The following LEPR variants were observed in gnomAD, a reference collection of about 807,000 sequenced individuals.
The protein encoded by LEPR is OB receptor.
A neutral mutation model predicts 114.7 loss-of-function variants in LEPR; 56 were observed. The observed-to-expected ratio is 0.49, with a 90% CI of 0.39 to 0.61. The LOEUF (loss-of-function observed/expected upper bound fraction) is 0.61, where lower values mean the gene tolerates loss of function less well. LEPR is among the 20% of genes least tolerant of loss of function. LEPR has a pLI of 0.00. For synonymous variants in LEPR, 443 were observed against 461.4 expected (o/e 0.96, Z 0.51); for missense variants, 1,202 against 1,352.9 (o/e 0.89, Z 1.75).
chr1:65,548,493 T>A (rs1651973862), intron 2 of LEPR, among the ~76,000 whole-genome samples: 1 of 152,186 alleles, frequency 6.6e-6, no homozygotes, highest in Non-Finnish European at 1.5e-5. Flanking sequence ...TGGGTGCTCC[T>A]GTATTGGGTG....
intron 10 of LEPR, among the ~76,000 whole-genome samples, chr1:65,602,686 A>G (rs1332310379): frequency 6.6e-6 from 1 of 151,976 alleles, no homozygotes; most frequent in Non-Finnish European, 1.5e-5. Flanking sequence ...TGTAGTGGAG[A>G]CTTTCAATTT....
At chr1:65,441,079 C>T (rs970467) in intron 2 of LEPR, among the ~76,000 whole-genome samples, 23,120 of 152,184 alleles carry the variant, frequency 0.15, 1,948 homozygotes, top group African/African-American at 0.22. Flanking sequence ...TGTTGTTAAA[C>T]TCTGTGGAGA....
At chr1:65,435,774 G>C in intron 2 of LEPR, 1 of 979,814 alleles carries the variant, frequency 1.0e-6, no homozygotes, top group Non-Finnish European at 1.2e-6. Flanking sequence ...GTTCACAACT[G>C]AGAAATATTA....
At chr1:65,455,753 C>T (rs1169232103) in intron 2 of LEPR, among the ~76,000 whole-genome samples, 4 of 152,184 alleles carry the variant, frequency 2.6e-5, no homozygotes, top group African/African-American at 7.2e-5. Context: ...GTGCCCTGCC[C>T]CCAGAGGTGG....
At chr1:65,618,411 A>G (rs996668237) in intron 16 of LEPR, among the ~76,000 whole-genome samples, 5 of 151,988 alleles carry the variant, frequency 3.3e-5, no homozygotes, top group Non-Finnish European at 4.4e-5. Flanking sequence ...CTGCAGCCTC[A>G]ACCTTCTGGG....
chr1:65,462,377 AT>A (rs1297100842), intron 2 of LEPR, among the ~76,000 whole-genome samples: 2 of 152,112 alleles, frequency 1.3e-5, no homozygotes, highest in African/African-American at 2.4e-5. Context: ...TATGTGCTAC[AT>A]TTTCTTAATC....
intron 2 of LEPR, among the ~76,000 whole-genome samples, chr1:65,520,488 T>C (rs1423514934): frequency 1.3e-5 from 2 of 152,212 alleles, no homozygotes; most frequent in African/African-American, 4.8e-5. Context: ...TTACAAAATA[T>C]AGTAATTCTC....
intron 11 of LEPR, among the ~76,000 whole-genome samples, chr1:65,607,348 A>G (rs1471903909): frequency 6.6e-6 from 1 of 152,144 alleles, no homozygotes; most frequent in Admixed American, 6.5e-5. Context: ...TGTCAAAATA[A>G]TGACCAAGAG....
At chr1:65,549,957 G>C (rs1411743640) in intron 2 of LEPR, among the ~76,000 whole-genome samples, 2 of 151,992 alleles carry the variant, frequency 1.3e-5, no homozygotes, top group African/African-American at 4.8e-5. Flanking sequence ...TCTACTTTTG[G>C]TCTTTGCTGA....
chr1:65,594,615 A>T (rs1009614433), intron 6 of LEPR, among the ~76,000 whole-genome samples: 3 of 152,092 alleles, frequency 2.0e-5, no homozygotes, highest in African/African-American at 7.2e-5. Flanking sequence ...TTTTGGACAC[A>T]TTGTATTTGA....
intron 2 of LEPR, among the ~76,000 whole-genome samples, chr1:65,469,082 A>G (rs1298929294): frequency 6.6e-6 from 1 of 152,174 alleles, no homozygotes; most frequent in Non-Finnish European, 1.5e-5. Flanking sequence ...ATTAATCATC[A>G]TGTATGCCCA....
chr1:65,633,472 C>G lies in LEPR; in HGVS notation c.2674-2719C>G, dbSNP rs1658604490. 8.3e-7 allele frequency: 1 copy of G among 1,197,910 alleles called. No homozygotes were observed. Among genetic ancestry groups the G allele is most frequent in the African/African-American group, 1.6e-5 (1 of 63,942 alleles). 74.2% of individuals were successfully genotyped at this position (1,197,910 alleles called of 1,614,324 possible). A position where few individuals can be genotyped will look rare whatever the true frequency, so the allele number is the denominator to read the frequency against. On this transcript the variant is annotated intron_variant, in intron 19 of 19. Coordinates refer to ENST00000349533, the MANE Select transcript of LEPR (RefSeq NM_002303.6). This position sits in a 1 kb window ranked among gnomAD's most constrained non-coding sequence, Gnocchi z 4.1. ...ATTTGTCATATTCCTGGTCATAAAA[C>G]ATTAAGAAAATTATGGCTGTTGCTG... is the stretch of plus-strand genomic sequence containing the variant.
rs185248063 is a variant in LEPR, at chr1:65,556,852, G to A, written c.-20-8694G>A. ...CTTGGACTTTTACTACAAGTGACAG[G>A]AGAGGGCTGTAGTGCTTTGAGAAAG... On this transcript the variant is annotated intron_variant, in intron 2 of 19. Coordinates refer to ENST00000349533, the MANE Select transcript of LEPR (RefSeq NM_002303.6). 2.3e-3 allele frequency among the ~76,000 whole-genome samples: 356 copies of A among 152,224 alleles called. 3 individuals carry two copies. Among genetic ancestry groups the A allele is most frequent in the Middle Eastern group, 0.01 (3 of 294 alleles).
chr1:65,587,501 T>C (rs1655389153), intron 5 of LEPR, among the ~76,000 whole-genome samples: 1 of 152,090 alleles, frequency 6.6e-6, no homozygotes, highest in Non-Finnish European at 1.5e-5. Flanking sequence ...GTCTTTGATA[T>C]TCACACCCTT....
chr1:65,508,784 G>C (rs1200348765), intron 2 of LEPR, among the ~76,000 whole-genome samples: 1 of 152,024 alleles, frequency 6.6e-6, no homozygotes, highest in Non-Finnish European at 1.5e-5. Flanking sequence ...GAGTAATATG[G>C]ATGTTTAAAA....
At chr1:65,530,954 G>A (rs1365158432) in intron 2 of LEPR, among the ~76,000 whole-genome samples, 1 of 85,790 alleles carries the variant, frequency 1.2e-5, no homozygotes, top group Non-Finnish European at 2.6e-5. Flanking sequence ...TTTATTTTTT[G>A]CCCTCTTCAA....
At chr1:65,454,562 G>A (rs1294508105) in intron 2 of LEPR, among the ~76,000 whole-genome samples, 1 of 152,118 alleles carries the variant, frequency 6.6e-6, no homozygotes, top group Non-Finnish European at 1.5e-5. Flanking sequence ...GGCTGGATAT[G>A]AAATTCTGGG....
intron 5 of LEPR, among the ~76,000 whole-genome samples, chr1:65,586,484 G>A (rs745886415): frequency 9.2e-5 from 14 of 151,916 alleles, no homozygotes; most frequent in African/African-American, 1.5e-4. Flanking sequence ...TGGGGTTTGT[G>A]GACCATCCTG....
rs958891203 is a variant in LEPR at position 65,538,379 on chromosome 1, A to T, written c.-20-27167A>T. Among the ~76,000 whole-genome samples, 8 of 152,008 alleles carry T rather than the reference A, an allele frequency of 5.3e-5. 1 individual carries two copies. The highest frequency in any genetic ancestry group is 5.2e-4 in the Admixed American group (8 of 15,254). Reference sequence around the variant, plus strand: ...CATCTATACTACAGCTGCTATCTGGACTAGTCATTTGAAAGTTTGCAGAGC... The same window carrying T: ...CATCTATACTACAGCTGCTATCTGGTCTAGTCATTTGAAAGTTTGCAGAGC... On this transcript the variant is annotated intron_variant, in intron 2 of 19. Transcript: ENST00000349533.
Sources: gnomAD v4.1 joint callset for allele counts (sites outside exome capture counted in the v4.1 genomes callset) on GRCh38, gnomAD v4.1.1 for gene constraint, Gnocchi (gnomAD v3.1) non-coding constraint, MANE v1.5 for transcripts, NCBI Gene and HGNC (gene_info 2026-07-23, HGNC 2026-07-21) for gene names.